SCFD2: variants seen among roughly 807,000 people sequenced by gnomAD.
SCFD2 encodes sec1 family domain containing 2.
Under a neutral mutation model 58.9 loss-of-function variants are expected in SCFD2, and 54 were observed. The observed-to-expected ratio is 0.92, with a 90% CI of 0.74 to 1.15. SCFD2 has a LOEUF of 1.15. SCFD2 is among the 50% of genes most tolerant of loss of function. The probability of loss-of-function intolerance (pLI) is 0.00; values close to 1 mark genes in which losing one functional copy is unlikely to be tolerated. For synonymous variants in SCFD2, 321 were observed against 335.9 expected (o/e 0.96, Z 0.49); for missense variants, 805 against 836.6 (o/e 0.96, Z 0.47).
intron 3 of SCFD2, among the ~76,000 whole-genome samples, chr4:53,284,361 C>G (rs1252010913): frequency 6.6e-6 from 1 of 151,918 alleles, no homozygotes; most frequent in East Asian, 1.9e-4. Flanking sequence ...GTTGGAAAGG[C>G]AAGACAACAA....
Position 53,273,839 on chromosome 4 carries a change from C to T in SCFD2, c.1298G>A (p.Arg433Lys), listed in dbSNP as rs1393814793. 6 of 1,612,616 alleles carry T rather than the reference C, an allele frequency of 3.7e-6. No homozygotes were observed. Among genetic ancestry groups the T allele is most frequent in the Non-Finnish European group, 5.1e-6 (6 of 1,179,350 alleles). Residue 433 changes from arginine to lysine, a missense_variant, in exon 4 of 9, where the codon AGG becomes AAG. Arg to Lys is a conservative substitution (Grantham distance 26, BLOSUM62 2). Around this residue, in one of 3 missense-constraint regions of SCFD2, gnomAD observed 633 missense variants for 646.8 expected, o/e 0.98. Transcript: ENST00000401642. ...AKWDNFLAFE[R>K]LLLQSIGESA... is the part of the protein sequence containing the mutation. ...ATAGCAACATACCTGAAGAAGGAGCCTTTCAAAAGCCAGAAAGTTGTCCCA... is the reference window on the plus strand; with the variant it reads ...ATAGCAACATACCTGAAGAAGGAGCTTTTCAAAAGCCAGAAAGTTGTCCCA...
At chr4:53,306,334 C>CT (rs1732513719) in intron 3 of SCFD2, among the ~76,000 whole-genome samples, 1 of 151,906 alleles carries the variant, frequency 6.6e-6, no homozygotes, top group Non-Finnish European at 1.5e-5. Flanking sequence ...TAACAGAAGG[C>CT]ATAAAACAAT....
At chr4:52,919,803 G>C (rs779725239) in intron 6 of SCFD2, among the ~76,000 whole-genome samples, 17 of 152,220 alleles carry the variant, frequency 1.1e-4, no homozygotes, top group Middle Eastern at 3.2e-3. Flanking sequence ...AATCTGGATT[G>C]TGCTAGCTGC....
intron 5 of SCFD2, among the ~76,000 whole-genome samples, chr4:53,050,973 G>A (rs530970917): frequency 1.3e-5 from 2 of 152,172 alleles, no homozygotes; most frequent in South Asian, 2.1e-4. Flanking sequence ...CCTGGTAGGC[G>A]CTCTCTCAAA....
intron 4 of SCFD2, among the ~76,000 whole-genome samples, chr4:53,238,111 T>C (rs1729725959): frequency 2.8e-5 from 3 of 108,366 alleles, no homozygotes; most frequent in Middle Eastern, 9.1e-3. Context: ...GGCTCCTCAC[T>C]TCCCAGTAGG....
rs750652242 is a variant in SCFD2, at chr4:53,145,330, C to T, written c.1561+3G>A. The stretch of plus-strand genomic sequence containing the variant: ...GTGTCCTGTATCTTTGTTAGACACT[C>T]ACCCGTAATTTTTTGCAGCAAAGGT... On this transcript the variant is annotated splice_donor_region_variant and intron_variant, in intron 5 of 8. Coordinates refer to ENST00000401642, the MANE Select transcript of SCFD2 (RefSeq NM_152540.4). The T allele has an allele frequency of 1.2e-6, 2 of 1,613,726 alleles. No homozygotes were observed. Among genetic ancestry groups the T allele is most frequent in the African/African-American group, 1.3e-5 (1 of 74,884 alleles).
chr4:52,968,829 G>A (rs752448491), intron 5 of SCFD2, among the ~76,000 whole-genome samples: 11 of 152,092 alleles, frequency 7.2e-5, no homozygotes, highest in Non-Finnish European at 1.6e-4. Context: ...ATTACCTGGG[G>A]ATGGGGCCAT....
chr4:52,882,298 T>G (rs531001269), intron 8 of SCFD2, among the ~76,000 whole-genome samples: 1 of 152,200 alleles, frequency 6.6e-6, no homozygotes, highest in Non-Finnish European at 1.5e-5. Flanking sequence ...TCTCATTTTC[T>G]TTTAAATTCT....
chr4:53,322,410 A>G (rs1733053029), intron 2 of SCFD2, among the ~76,000 whole-genome samples: 1 of 152,224 alleles, frequency 6.6e-6, no homozygotes, highest in South Asian at 2.1e-4. Context: ...TATATGGTCT[A>G]CAAAGGAGAG....
chr4:53,002,450 C>G (rs1344588173), intron 5 of SCFD2, among the ~76,000 whole-genome samples: 1 of 152,092 alleles, frequency 6.6e-6, no homozygotes, highest in Non-Finnish European at 1.5e-5. Context: ...ACAACAGCAG[C>G]CTTGCTTAAT....
At chr4:53,119,602 TAA>T (rs1005641574) in intron 5 of SCFD2, among the ~76,000 whole-genome samples, 2 of 152,074 alleles carry the variant, frequency 1.3e-5, no homozygotes, top group African/African-American at 4.8e-5. Context: ...AAGAAAAAAA[TAA>T]AGTCTCCATA....
intron 4 of SCFD2, among the ~76,000 whole-genome samples, chr4:53,205,914 A>C (rs1327557751): frequency 2.0e-5 from 3 of 152,068 alleles, no homozygotes; most frequent in Non-Finnish European, 4.4e-5. Flanking sequence ...AAGCTTAATA[A>C]ATTAAAAAAA....
chr4:52,901,221 T>C (rs2109464811), intron 7 of SCFD2, among the ~76,000 whole-genome samples: 1 of 152,276 alleles, frequency 6.6e-6, no homozygotes, highest in East Asian at 1.9e-4. Context: ...AAACCACCCA[T>C]CTTCTGCATC....
chr4:53,276,631 G>A (rs1731336564), intron 3 of SCFD2, among the ~76,000 whole-genome samples: 1 of 151,986 alleles, frequency 6.6e-6, no homozygotes, highest in Non-Finnish European at 1.5e-5. Context: ...CCACCCTCAA[G>A]TAAGCTCCAA....
intron 7 of SCFD2, among the ~76,000 whole-genome samples, chr4:52,899,333 A>T (rs1719117217): frequency 6.6e-6 from 1 of 152,144 alleles, no homozygotes; most frequent in South Asian, 2.1e-4. Context: ...GAGCTCTTTT[A>T]GGGCAGGCCT....
At chr4:52,972,484 G>A (rs1373243607) in intron 5 of SCFD2, among the ~76,000 whole-genome samples, 1 of 152,162 alleles carries the variant, frequency 6.6e-6, no homozygotes, top group African/African-American at 2.4e-5. Context: ...AAATATATAT[G>A]CACCCAATAC....
intron 4 of SCFD2, among the ~76,000 whole-genome samples, chr4:53,240,062 A>C (rs1729846496): frequency 6.6e-6 from 1 of 152,224 alleles, no homozygotes; most frequent in African/African-American, 2.4e-5. Flanking sequence ...AGGTGCTACA[A>C]TGGGTTGACT....
intron 3 of SCFD2, among the ~76,000 whole-genome samples, chr4:53,303,872 T>C (rs550993652): frequency 1.5e-4 from 22 of 146,786 alleles, no homozygotes; most frequent in African/African-American, 5.3e-4. Context: ...AAACACCGCA[T>C]GTTCTCACTC....
chr4:53,250,039 C>G (rs1223340915), intron 4 of SCFD2, among the ~76,000 whole-genome samples: 2 of 152,140 alleles, frequency 1.3e-5, no homozygotes, highest in Non-Finnish European at 2.9e-5. Flanking sequence ...CATCAGTGTG[C>G]TGTATTCAGG....
Sources: allele counts gnomAD v4.1 joint callset (sites outside exome capture counted in the v4.1 genomes callset), GRCh38; gene constraint gnomAD v4.1.1; regional missense constraint gnomAD v4.1.1; transcripts MANE v1.5; gene names NCBI Gene and HGNC (gene_info 2026-07-23, HGNC 2026-07-21).